The following STX12 variants were observed in gnomAD, a reference collection of about 807,000 sequenced individuals.
STX12 encodes the protein syntaxin-12.
A neutral mutation model predicts 42.2 loss-of-function variants in STX12; 17 were observed. The observed-to-expected ratio is 0.40, with a 90% CI of 0.28 to 0.60. The LOEUF (loss-of-function observed/expected upper bound fraction) is 0.60. Ranked by LOEUF, STX12 falls within the 20% of genes least tolerant of loss-of-function variation. STX12 has a pLI of 0.39. For missense variants in STX12, 297 were observed against 330.9 expected (o/e 0.90, Z 0.79); for synonymous variants, 108 against 116.7 (o/e 0.93, Z 0.48).
At chr1:27,780,325 C>T (rs1248695017) in intron 1 of STX12, among the ~76,000 whole-genome samples, 1 of 151,146 alleles carries the variant, frequency 6.6e-6, no homozygotes, top group Non-Finnish European at 1.5e-5. Context: ...TCTCCTGCCT[C>T]AGCCTCCCCA....
chr1:27,793,581 A>G lies in STX12; in HGVS notation c.237A>G (p.Glu79=), dbSNP rs567066916. The part of the protein sequence containing the change: ...STNQLAKETN[E]LLKELGSLPL... ...ATCAGCTCGCCAAGGAAACAAATGA[A>G]TTGCTGAAAGAATTAGGGTCCTTGC... is the stretch of plus-strand genomic sequence containing the variant. The change falls in exon 3 of 9, where the codon GAA becomes GAG. Residue 79 remains glutamate (E), a synonymous_variant. Coordinates refer to ENST00000373943, the MANE Select transcript of STX12 (RefSeq NM_177424.3). The G allele has an allele frequency of 3.7e-6, 6 of 1,614,152 alleles. No homozygotes were observed. The highest frequency in any genetic ancestry group is 5.1e-6 in the Non-Finnish European group (6 of 1,180,002).
At chr1:27,821,159 A>C (rs1297421044) in intron 8 of STX12, among the ~76,000 whole-genome samples, 4 of 151,502 alleles carry the variant, frequency 2.6e-5, no homozygotes, top group African/African-American at 9.7e-5. Flanking sequence ...CTAAAACTTA[A>C]CGTATAATTA....
chr1:27,808,303 G>C (rs1231414840), intron 4 of STX12, among the ~76,000 whole-genome samples: 2 of 149,166 alleles, frequency 1.3e-5, no homozygotes, highest in Admixed American at 1.3e-4. Context: ...TACCATTTTT[G>C]CTTTGTTTTT....
intron 7 of STX12, 130 bp downstream of exon 7, chr1:27,818,053 A>C (rs1163252885): frequency 1.5e-6 from 1 of 686,822 alleles, no homozygotes; most frequent in East Asian, 2.7e-5. Context: ...GGGCAACATA[A>C]TGAGAATTTG....
chr1:27,817,953 G>T (rs751379828), intron 7 of STX12, 30 bp downstream of exon 7: 2 of 1,589,378 alleles, frequency 1.3e-6, no homozygotes. Context: ...TTAACCTCAA[G>T]GTGAGTTGAT....
chr1:27,795,733 C>A lies in STX12; in HGVS notation c.288+2101C>A, dbSNP rs367964080. 1.1e-4 allele frequency among the ~76,000 whole-genome samples: 17 copies of A among 152,290 alleles called. No individual in the cohort carries two copies. In the East Asian group the frequency reaches 3.3e-3, roughly 29 times the overall value. ...CCCACTTGCAGAAGAGAGAGGAGGA[C>A]AAGATGCTTTGTCATCCTGCTACAA... On this transcript the variant is annotated intron_variant, in intron 3 of 8. Coordinates refer to ENST00000373943, the MANE Select transcript of STX12 (RefSeq NM_177424.3).
At chr1:27,804,991 AAT>A (rs747554256) in intron 4 of STX12, among the ~76,000 whole-genome samples, 3 of 152,112 alleles carry the variant, frequency 2.0e-5, no homozygotes, top group Non-Finnish European at 4.4e-5. Flanking sequence ...CAGGAGAGAG[AAT>A]GAGTGCGGAG....
rs1276169695 is a variant in STX12, at chr1:27,819,700, A to G, written c.700A>G (p.Thr234Ala). Residue 234 changes from threonine to alanine, a missense_variant, in exon 8 of 9, where the codon ACT becomes GCT. Transcript: ENST00000373943. ...ESSEVHVERATEQLQRAAYYQ... is the reference protein window; with the variant it reads ...ESSEVHVERAAEQLQRAAYYQ... ...CTCAGAGGTGCACGTCGAAAGAGCC[A>G]CTGAACAGTTACAGCGAGCTGCTTA... 2.5e-6 allele frequency: 4 copies of G among 1,614,042 alleles called. No homozygotes were observed. The Admixed American group carries it at 6.7e-5, about 27-fold the overall frequency.
intron 1 of STX12, among the ~76,000 whole-genome samples, chr1:27,785,804 C>T (rs1372109807): frequency 6.6e-6 from 1 of 152,172 alleles, no homozygotes. Flanking sequence ...TTATGTATCA[C>T]CTGGGTGCCT....
intron 8 of STX12, among the ~76,000 whole-genome samples, chr1:27,820,571 A>T (rs912878700): frequency 6.6e-6 from 1 of 152,202 alleles, no homozygotes; most frequent in South Asian, 2.1e-4. Context: ...TGTTTTAGAC[A>T]TGAAGTCCTT....
chr1:27,803,979 C>T lies in STX12; in HGVS notation c.426+2164C>T, dbSNP rs191938822. 7.9e-5 allele frequency among the ~76,000 whole-genome samples: 12 copies of T among 151,466 alleles called. No homozygotes were observed. The East Asian group carries it at 1.2e-3, about 15-fold the overall frequency. Reference sequence around the variant, plus strand: ...TTGTGCCCCTGTGCTCCAGCCTGGGCGACACAACAAGATTGTATCTCAAAA... The same window carrying T: ...TTGTGCCCCTGTGCTCCAGCCTGGGTGACACAACAAGATTGTATCTCAAAA... On this transcript the variant is annotated intron_variant, in intron 4 of 8. Transcript: ENST00000373943.
intron 6 of STX12, among the ~76,000 whole-genome samples, chr1:27,816,208 G>C (rs1341207312): frequency 6.6e-6 from 1 of 152,078 alleles, no homozygotes; most frequent in Non-Finnish European, 1.5e-5. Context: ...CAGGTACCTG[G>C]GAGGCTGAGG....
At chr1:27,796,925 G>C (rs995262832) in intron 3 of STX12, among the ~76,000 whole-genome samples, 5 of 151,684 alleles carry the variant, frequency 3.3e-5, no homozygotes, top group African/African-American at 1.2e-4. Flanking sequence ...GGCTGGTCTT[G>C]AACTCCCGAC....
At chr1:27,809,229 G>C (rs2088885418) in intron 4 of STX12, among the ~76,000 whole-genome samples, 1 of 151,780 alleles carries the variant, frequency 6.6e-6, no homozygotes, top group African/African-American at 2.4e-5. Flanking sequence ...AGCTACTCAG[G>C]AGGCTGAGGC....
At chr1:27,813,646 A>G (rs953474098) in intron 6 of STX12, among the ~76,000 whole-genome samples, 11 of 152,110 alleles carry the variant, frequency 7.2e-5, no homozygotes, top group Admixed American at 7.2e-4. Flanking sequence ...GATCACCTGG[A>G]GAAGATTTTT....
At chr1:27,814,706 C>A (rs536221152) in intron 6 of STX12, among the ~76,000 whole-genome samples, 1 of 151,646 alleles carries the variant, frequency 6.6e-6, no homozygotes, top group South Asian at 2.1e-4. Flanking sequence ...AAAAATTAGC[C>A]GGGTGTGGTG....
intron 7 of STX12, 70 bp from the exon 8 acceptor site, chr1:27,819,580 G>A: frequency 7.3e-7 from 1 of 1,376,640 alleles, no homozygotes; most frequent in South Asian, 1.2e-5. Flanking sequence ...TGTAACATCA[G>A]AAATCTGTTC....
At chr1:27,787,658 CAA>C (rs74312775) in intron 1 of STX12, among the ~76,000 whole-genome samples, 4 of 137,302 alleles carry the variant, frequency 2.9e-5, no homozygotes. Flanking sequence ...GACTCTGTAT[CAA>C]AAAAAAAAAA....
chr1:27,820,879 A>G (rs989957305), intron 8 of STX12, among the ~76,000 whole-genome samples: 1 of 152,192 alleles, frequency 6.6e-6, no homozygotes, highest in African/African-American at 2.4e-5. Context: ...TTGTAGGGAC[A>G]TGGATGAAAT....
Sources: allele counts gnomAD v4.1 joint callset (sites outside exome capture counted in the v4.1 genomes callset), GRCh38; gene constraint gnomAD v4.1.1; transcripts MANE v1.5; gene names NCBI Gene and HGNC (gene_info 2026-07-23, HGNC 2026-07-21).